The following DST variants were observed in gnomAD, a reference collection of about 807,000 sequenced individuals.
DST encodes dystonin.
Under a neutral mutation model 875.2 loss-of-function variants are expected in DST, and 253 were observed. That is an observed-to-expected ratio of 0.29 (90% CI 0.26 to 0.32). The LOEUF (loss-of-function observed/expected upper bound fraction) is 0.32, where lower values mean the gene tolerates loss of function less well. Among genes scored for constraint, DST ranks in the 10% least tolerant of loss-of-function variants. DST has a pLI of 1.00. For synonymous variants in DST, 3,124 were observed against 3,197.1 expected (o/e 0.98, Z 0.77); for missense variants, 8,287 against 9,111.6 (o/e 0.91, Z 3.68).
intron 49 of DST, among the ~76,000 whole-genome samples, chr6:56,583,034 T>C (rs1280080035): frequency 6.6e-6 from 1 of 152,246 alleles, no homozygotes; most frequent in East Asian, 1.9e-4. Context: ...TTTGCTATTG[T>C]GAATAGTGCT....
intron 10 of DST, among the ~76,000 whole-genome samples, chr6:56,666,954 T>TCAGA (rs1342562754): frequency 6.7e-6 from 1 of 150,220 alleles, no homozygotes; most frequent in Non-Finnish European, 1.5e-5. Context: ...AACACAGAAG[T>TCAGA]CAGAGGTCAC....
In DST at chr6:56,823,986, C is replaced by G. The variant is rs539862363; in HGVS notation, c.625+27411G>C. On this transcript the variant is annotated intron_variant, in intron 4 of 103. Coordinates refer to ENST00000680361, the MANE Select transcript of DST (RefSeq NM_001374736.1). ...TTAAAAAGACTTACATAAAAAATAT[C>G]CTCTGCCTCTGCCTCTGCCTCTCCC... Among the ~76,000 whole-genome samples, 41 of 145,262 alleles carry G rather than the reference C, an allele frequency of 2.8e-4. 2 individuals are homozygous for G. The South Asian group carries it at 8.5e-3, about 30-fold the overall frequency.
At position 56,607,000 on chromosome 6, in the gene DST, T is replaced by C. The variant is rs16888053; in HGVS notation, c.7628A>G (p.Gln2543Arg). The C allele has an allele frequency of 6.8e-3, 10,903 of 1,613,466 alleles. 495 individuals carry two copies. In the African/African-American group the frequency reaches 0.11, roughly 16 times the overall value. Residue 2543 changes from glutamine (Q) to arginine (R), a missense_variant, in exon 40 of 104, where the codon CAG becomes CGG. Coordinates refer to ENST00000680361, the MANE Select transcript of DST (RefSeq NM_001374736.1). Reference protein sequence around the residue: ...EDEKTHPGFQQMPEDKEDESE... With the variant: ...EDEKTHPGFQRMPEDKEDESE... The stretch of plus-strand genomic sequence containing the variant: ...CTCATCTTCCTTGTCTTCAGGCATC[T>C]GCTGAAAACCTGGATGTGTTTTTTC...
At chr6:56,948,141 G>A (rs1820619371) in intron 2 of DST, among the ~76,000 whole-genome samples, 1 of 152,152 alleles carries the variant, frequency 6.6e-6, no homozygotes, top group Admixed American at 6.5e-5. Flanking sequence ...AAACTATCAG[G>A]AATTTCTTTT....
At position 56,560,346 on chromosome 6, in the gene DST, C is replaced by G; in HGVS notation, c.14388G>C (p.Glu4796Asp). The change falls in exon 58 of 104, where the codon GAG (glutamate) becomes GAC (aspartate). Residue 4796 changes from glutamate to aspartate, a missense_variant. Physicochemically the swap from Glu to Asp is conservative, Grantham distance 45 (BLOSUM62 2). Around this residue, in one of 10 missense-constraint regions of DST, gnomAD observed 1,513 missense variants for 1,677.8 expected, o/e 0.90. Transcript: ENST00000680361. Reference sequence around the variant, plus strand: ...TGGGGGCCTCAGGAGTATCTGGGTTCTCCTCCAACAGCTCTGTCAATTTGT... The same window carrying G: ...TGGGGGCCTCAGGAGTATCTGGGTTGTCCTCCAACAGCTCTGTCAATTTGT... ...LKDKLTELLE[E>D]NPDTPEAPRW... The G allele has an allele frequency of 6.2e-7, 1 of 1,610,360 alleles. No homozygotes were observed. The highest frequency in any genetic ancestry group is 8.5e-7 in the Non-Finnish European group (1 of 1,178,044).
At chr6:56,762,769 C>T (rs1330641834) in intron 4 of DST, among the ~76,000 whole-genome samples, 1 of 151,368 alleles carries the variant, frequency 6.6e-6, no homozygotes, top group Non-Finnish European at 1.5e-5. Flanking sequence ...GTTTATTGCT[C>T]TCATTCAATA....
intron 10 of DST, among the ~76,000 whole-genome samples, chr6:56,664,828 T>C (rs554114371): frequency 4.6e-5 from 7 of 152,266 alleles, no homozygotes; most frequent in Admixed American, 2.6e-4. Flanking sequence ...GAAACTAGTA[T>C]AGGTATGTAG....
intron 94 of DST, 104 bp from the exon 95 acceptor site, chr6:56,471,372 C>T: frequency 1.2e-6 from 1 of 800,806 alleles, no homozygotes; most frequent in South Asian, 2.4e-5. Context: ...GTACACATAT[C>T]CTTCCCATTT....
chr6:56,534,906 T>C (rs2152521364), intron 63 of DST, among the ~76,000 whole-genome samples: 1 of 152,364 alleles, frequency 6.6e-6, no homozygotes, highest in South Asian at 2.1e-4. Context: ...ATGTTCATCT[T>C]TTTTATTCAA....
intron 4 of DST, chr6:56,785,683 C>G (rs142296972): frequency 0.02 from 3,097 of 152,990 alleles, 58 homozygotes; most frequent in Middle Eastern, 0.077. Flanking sequence ...GAGGCAATGC[C>G]TCACCCTGCT....
intron 95 of DST, 118 bp downstream of exon 95, chr6:56,470,988 T>G (rs2094861983): frequency 4.4e-6 from 5 of 1,137,408 alleles, no homozygotes; most frequent in African/African-American, 1.6e-5. Flanking sequence ...CGTGACTTCC[T>G]AGGCAACTTA....
chr6:56,567,103 T>C (rs1585094080), intron 55 of DST, among the ~76,000 whole-genome samples: 2 of 152,210 alleles, frequency 1.3e-5, no homozygotes, highest in East Asian at 3.8e-4. Flanking sequence ...GTCCATTGCT[T>C]AGCAAGTAGA....
intron 49 of DST, among the ~76,000 whole-genome samples, chr6:56,583,401 G>A (rs1346900597): frequency 6.6e-6 from 1 of 152,166 alleles, no homozygotes; most frequent in Non-Finnish European, 1.5e-5. Flanking sequence ...CTTCTTTTGA[G>A]AAGTGTCTGT....
chr6:56,644,019 C>T (rs1358169534), intron 15 of DST, among the ~76,000 whole-genome samples: 1 of 152,200 alleles, frequency 6.6e-6, no homozygotes, highest in Admixed American at 6.5e-5. Flanking sequence ...AAGAACTTGT[C>T]TAACATCATA....
chr6:56,797,774 CGCCAT>C, intron 4 of DST, among the ~76,000 whole-genome samples: 1 of 147,870 alleles, frequency 6.8e-6, no homozygotes, highest in Middle Eastern at 3.5e-3. Context: ...ACCGAGATTG[CGCCAT>C]TGCACTCCAG....
At position 56,463,174 on chromosome 6, in the gene DST, A is replaced by G; in HGVS notation, c.22960-18T>C. The G allele has an allele frequency of 6.9e-7, 1 of 1,451,696 alleles. No homozygotes were observed. The highest frequency in any genetic ancestry group is 9.7e-7 in the Non-Finnish European group (1 of 1,033,992). The allele number at this position is 1,451,696 out of a possible 1,614,324, so 89.9% of individuals were successfully genotyped here. A position where few individuals can be genotyped will look rare whatever the true frequency, so the allele number is the denominator to read the frequency against. On this transcript the variant is annotated intron_variant, in intron 101 of 103. Transcript: ENST00000680361. ...TGGAGAATCTGTATGGAACAATGGCAAATCAAATGAAAAGGATAGCAGATA... is the reference window on the plus strand; with the variant it reads ...TGGAGAATCTGTATGGAACAATGGCGAATCAAATGAAAAGGATAGCAGATA...
rs1014372405 is a variant in DST, at chr6:56,808,253, T to TA, written c.625+43143dup. On this transcript the variant is annotated intron_variant, in intron 4 of 103. Coordinates refer to ENST00000680361, the MANE Select transcript of DST (RefSeq NM_001374736.1). ...TTCTTTTGAAAAACAGTACTTTGTTTAAAAAAAAAAAACCAACTGAGATTG... is the reference window on the plus strand; with the variant it reads ...TTCTTTTGAAAAACAGTACTTTGTTTAAAAAAAAAAAAACCAACTGAGATTG... Among the ~76,000 whole-genome samples, 454 of 144,272 alleles carry TA rather than the reference T, an allele frequency of 3.1e-3. 1 individual carries two copies. The highest frequency in any genetic ancestry group is 4.7e-3 in the Admixed American group (67 of 14,368). 94.6% of individuals were successfully genotyped at this position (144,272 alleles called of 152,430 possible).
intron 4 of DST, among the ~76,000 whole-genome samples, chr6:56,806,148 C>T (rs1219229279): frequency 6.6e-6 from 1 of 152,166 alleles, no homozygotes; most frequent in Non-Finnish European, 1.5e-5. Flanking sequence ...ATCTCATCTT[C>T]TAAAAAGTTT....
chr6:56,836,173 C>G (rs542316776), intron 4 of DST, among the ~76,000 whole-genome samples: 2 of 152,068 alleles, frequency 1.3e-5, no homozygotes, highest in Non-Finnish European at 2.9e-5. Flanking sequence ...TAGTATTAAT[C>G]AAAATCAGAA....
Sources: gnomAD v4.1 joint callset for allele counts (sites outside exome capture counted in the v4.1 genomes callset) on GRCh38, gnomAD v4.1.1 for gene constraint, gnomAD v4.1.1 regional missense constraint, MANE v1.5 for transcripts, NCBI Gene and HGNC (gene_info 2026-07-23, HGNC 2026-07-21) for gene names.